The following WWOX variants were observed in gnomAD, a reference collection of about 807,000 sequenced individuals.
WWOX encodes WW domain-containing oxidoreductase.
WWOX carries 69 observed loss-of-function variants against 46.2 expected under a neutral mutation model. The observed-to-expected ratio is 1.49, with a 90% CI of 1.23 to 1.82. The LOEUF (loss-of-function observed/expected upper bound fraction) is 1.82. WWOX is among the 40% of genes most tolerant of loss of function. The pLI, the probability that WWOX is intolerant of heterozygous loss-of-function variation, is 0.00. For missense variants in WWOX, 919 were observed against 542.6 expected, an observed-to-expected ratio of 1.69 and a Z score of -6.89; for synonymous variants, 359 against 202.6, an observed-to-expected ratio of 1.77 and a Z score of -6.56.
rs917329985 is a variant in WWOX at position 78,355,843 on chromosome 16, A to G, written c.517-31017A>G. On this transcript the variant is annotated intron_variant, in intron 5 of 8. Coordinates refer to ENST00000566780, the MANE Select transcript of WWOX (RefSeq NM_016373.4). ...CACTGAGAGTTGGCTGAAACAAAGA[A>G]TTTGTCCTGTACGGAAAACAGGAGA... 30 of 679,574 alleles carry G rather than the reference A, an allele frequency of 4.4e-5. No homozygotes were observed. The African/African-American group carries it at 5.6e-4, about 13-fold the overall frequency. The allele number at this position is 679,574 out of a possible 1,614,324, so 42.1% of individuals were successfully genotyped here. A position where few individuals can be genotyped will look rare whatever the true frequency, so the allele number is the denominator to read the frequency against.
chr16:78,124,774 A>T (rs1209235948), intron 4 of WWOX, among the ~76,000 whole-genome samples: 1 of 152,022 alleles, frequency 6.6e-6, no homozygotes, highest in Non-Finnish European at 1.5e-5. Context: ...TGATGGTTTT[A>T]CTTTTTGTGA....
intron 8 of WWOX, among the ~76,000 whole-genome samples, chr16:78,678,178 G>C (rs1246524455): frequency 6.6e-6 from 1 of 152,120 alleles, no homozygotes; most frequent in Non-Finnish European, 1.5e-5. Flanking sequence ...AGTACCAGTG[G>C]CCTTACGTGG....
At chr16:78,278,859 G>C (rs573983513) in intron 5 of WWOX, among the ~76,000 whole-genome samples, 1 of 152,176 alleles carries the variant, frequency 6.6e-6, no homozygotes, top group South Asian at 2.1e-4. Context: ...GGTGACTAAA[G>C]AAAAAGAGGG....
chr16:78,519,748 G>A (rs1184272119), intron 8 of WWOX, among the ~76,000 whole-genome samples: 3 of 152,014 alleles, frequency 2.0e-5, no homozygotes, highest in Admixed American at 6.5e-5. Context: ...ACCATGTGAG[G>A]AGCCCACAAG....
At chr16:79,032,337 T>C (rs998580209) in intron 8 of WWOX, among the ~76,000 whole-genome samples, 1 of 146,534 alleles carries the variant, frequency 6.8e-6, no homozygotes, top group Non-Finnish European at 1.5e-5. Flanking sequence ...TATATTATAA[T>C]GTATGTAATA....
intron 8 of WWOX, among the ~76,000 whole-genome samples, chr16:78,675,789 C>G (rs1040286508): frequency 6.6e-6 from 1 of 152,150 alleles, no homozygotes; most frequent in African/African-American, 2.4e-5. Context: ...GCCTGGGCAA[C>G]ATAGCGAGAC....
At chr16:78,144,992 G>T (rs1295020234) in intron 4 of WWOX, among the ~76,000 whole-genome samples, 1 of 152,134 alleles carries the variant, frequency 6.6e-6, no homozygotes, top group Non-Finnish European at 1.5e-5. Context: ...GGAAATTGAG[G>T]TTCACAGAAG....
intron 8 of WWOX, chr16:78,825,188 G>T (rs1450573949): frequency 6.3e-6 from 1 of 157,508 alleles, no homozygotes; most frequent in African/African-American, 2.4e-5. Flanking sequence ...GTGTTCCATG[G>T]GCAGCGTCTT....
At chr16:78,461,176 G>A (rs1261697112) in intron 8 of WWOX, among the ~76,000 whole-genome samples, 2 of 152,172 alleles carry the variant, frequency 1.3e-5, no homozygotes, top group Non-Finnish European at 2.9e-5. Context: ...CACTATCCAT[G>A]AATTGTGGCC....
At chr16:78,791,132 C>G (rs968365779) in intron 8 of WWOX, among the ~76,000 whole-genome samples, 1 of 151,808 alleles carries the variant, frequency 6.6e-6, no homozygotes, top group Non-Finnish European at 1.5e-5. Context: ...GGTTGGAGGT[C>G]AGTGGGAGGA....
intron 5 of WWOX, among the ~76,000 whole-genome samples, chr16:78,184,202 A>C (rs2035622542): frequency 6.6e-6 from 1 of 151,424 alleles, no homozygotes; most frequent in East Asian, 2.0e-4. Context: ...AGGAACTGTC[A>C]GGGTCCCAAA....
At position 78,333,043 on chromosome 16, in the gene WWOX, C is replaced by CTT. The variant is rs11289222; in HGVS notation, c.517-53794_517-53793dup. Among the ~76,000 whole-genome samples the CTT allele has an allele frequency of 5.3e-3, 304 of 57,110 alleles. 29 individuals carry two copies. Among genetic ancestry groups the CTT allele is most frequent in the African/African-American group, 6.8e-3 (125 of 18,504 alleles). The allele number at this position is 57,110 out of a possible 152,430, so 37.5% of individuals were successfully genotyped here. On this transcript the variant is annotated intron_variant, in intron 5 of 8. Coordinates refer to ENST00000566780, the MANE Select transcript of WWOX (RefSeq NM_016373.4). Reference sequence around the variant, plus strand: ...CTGAGTAGCATGGAAGAGCATTATACTTTTTTTTTTTTTTTTTTTTTTTTG... The same window carrying CTT: ...CTGAGTAGCATGGAAGAGCATTATACTTTTTTTTTTTTTTTTTTTTTTTTTTG...
chr16:78,360,546 A>G (rs2081386501), intron 5 of WWOX, among the ~76,000 whole-genome samples: 2 of 146,394 alleles, frequency 1.4e-5, no homozygotes, highest in Admixed American at 1.4e-4. Context: ...GCGGAGTGCC[A>G]CTGCACTCCA....
chr16:79,003,818 T>C (rs76834409), intron 8 of WWOX, among the ~76,000 whole-genome samples: 1,900 of 152,198 alleles, frequency 0.012, 12 homozygotes, highest in Non-Finnish European at 0.021. Flanking sequence ...ACTGCATCTT[T>C]GGGGAAGGCA....
At chr16:78,574,033 T>C (rs570589155) in intron 8 of WWOX, among the ~76,000 whole-genome samples, 1 of 152,302 alleles carries the variant, frequency 6.6e-6, no homozygotes, top group South Asian at 2.1e-4. Flanking sequence ...TCACCCAGAT[T>C]ACTAGCAGAC....
intron 5 of WWOX, among the ~76,000 whole-genome samples, chr16:78,233,872 C>G (rs1408102746): frequency 6.6e-6 from 1 of 152,116 alleles, no homozygotes; most frequent in East Asian, 1.9e-4. Context: ...CTCAGTCTCA[C>G]TAAAATATGC....
intron 8 of WWOX, among the ~76,000 whole-genome samples, chr16:78,526,992 C>T (rs1038128815): frequency 6.6e-6 from 1 of 152,114 alleles, no homozygotes; most frequent in Non-Finnish European, 1.5e-5. Flanking sequence ...TGGTGAAACC[C>T]CATCTCTACT....
intron 8 of WWOX, among the ~76,000 whole-genome samples, chr16:78,648,094 A>C (rs1410467078): frequency 1.3e-5 from 2 of 152,252 alleles, no homozygotes; most frequent in Non-Finnish European, 2.9e-5. Context: ...GAGAAGATGA[A>C]GCCAGAGAGA....
intron 8 of WWOX, among the ~76,000 whole-genome samples, chr16:78,917,939 C>G (rs1462096164): frequency 4.6e-5 from 7 of 152,118 alleles, no homozygotes; most frequent in Admixed American, 4.6e-4. Context: ...TGGTGGCTCA[C>G]ACACATAATC....
Sources: gnomAD v4.1 joint callset for allele counts (sites outside exome capture counted in the v4.1 genomes callset) on GRCh38, gnomAD v4.1.1 for gene constraint, MANE v1.5 for transcripts, NCBI Gene and HGNC (gene_info 2026-07-23, HGNC 2026-07-21) for gene names.